DLG2: variants seen among roughly 807,000 people sequenced by gnomAD.
DLG2 encodes the protein disks large homolog 2.
Under a neutral mutation model 132.5 loss-of-function variants are expected in DLG2, and 45 were observed. The ratio of observed to expected loss-of-function variants is 0.34; its 90% CI spans 0.27 to 0.44. The LOEUF is 0.44. Ranked by LOEUF, DLG2 falls within the 20% of genes least tolerant of loss-of-function variation. The pLI is 1.00. For synonymous variants in DLG2, 424 were observed against 419.6 expected, an observed-to-expected ratio of 1.01 and a Z score of -0.13; for missense variants, 1,045 against 1,196.9, an observed-to-expected ratio of 0.87 and a Z score of 1.87.
At chr11:85,087,844 C>CAAAAAAAAAAAAAAAAAA (rs71465019) in intron 6 of DLG2, among the ~76,000 whole-genome samples, 13 of 22,046 alleles carry the variant, frequency 5.9e-4, no homozygotes, top group Non-Finnish European at 1.2e-3. Context: ...GACTCCGTCT[C>CAAAAAAAAAAAAAAAAAA]AAAAAAAAAA....
chr11:85,614,022 G>A (rs557591786), intron 2 of DLG2, among the ~76,000 whole-genome samples: 4 of 152,130 alleles, frequency 2.6e-5, no homozygotes, highest in Admixed American at 6.5e-5. Flanking sequence ...TGAAGTCAGC[G>A]AGACCATGAA....
intron 7 of DLG2, among the ~76,000 whole-genome samples, chr11:84,521,524 A>G (rs909435796): frequency 7.2e-5 from 11 of 152,184 alleles, no homozygotes; most frequent in African/African-American, 2.7e-4. Context: ...CTGAGATGTA[A>G]GTCTAGTGAT....
intron 6 of DLG2, among the ~76,000 whole-genome samples, chr11:84,573,056 A>T (rs1300369656): frequency 1.3e-5 from 2 of 152,184 alleles, no homozygotes; most frequent in Non-Finnish European, 2.9e-5. Context: ...AATCTACTTG[A>T]CATATATTTG....
At chr11:85,446,671 GA>G (rs1466796478) in intron 3 of DLG2, among the ~76,000 whole-genome samples, 1 of 152,038 alleles carries the variant, frequency 6.6e-6, no homozygotes, top group Non-Finnish European at 1.5e-5. Flanking sequence ...TATGTAGCGT[GA>G]ATCATACAAC....
intron 6 of DLG2, among the ~76,000 whole-genome samples, chr11:84,901,236 C>A (rs1030575499): frequency 2.0e-5 from 3 of 151,994 alleles, no homozygotes; most frequent in Non-Finnish European, 2.9e-5. Flanking sequence ...TCAGTGGGAG[C>A]AACTAGAGTA....
intron 3 of DLG2, among the ~76,000 whole-genome samples, chr11:85,356,374 T>A (rs1238995390): frequency 1.3e-5 from 2 of 152,156 alleles, no homozygotes; most frequent in Admixed American, 1.3e-4. Context: ...GTCCTTTTTT[T>A]TTTACATAAT....
At chr11:84,958,883 C>T (rs1416260960) in intron 6 of DLG2, among the ~76,000 whole-genome samples, 1 of 152,172 alleles carries the variant, frequency 6.6e-6, no homozygotes, top group Non-Finnish European at 1.5e-5. Flanking sequence ...ACCACAGACC[C>T]AAGCTTCAAG....
intron 7 of DLG2, among the ~76,000 whole-genome samples, chr11:84,421,590 T>C (rs1378731731): frequency 1.3e-5 from 2 of 152,340 alleles, no homozygotes; most frequent in East Asian, 3.9e-4. Context: ...TAAGTTTTTC[T>C]AAAATCTGAA....
At position 85,217,395 on chromosome 11, in the gene DLG2, T is replaced by C. The variant is rs369714724; in HGVS notation, c.187-62744A>G. Among the ~76,000 whole-genome samples, 40 of 151,204 alleles carry C rather than the reference T, an allele frequency of 2.6e-4. 1 individual carries two copies. In the East Asian group the frequency reaches 5.5e-3, roughly 21 times the overall value. On this transcript the variant is annotated intron_variant, in intron 4 of 27. Transcript: ENST00000376104. The stretch of plus-strand genomic sequence containing the variant: ...TCAATTATACACAATTGCTAAAACA[T>C]GAAATTCTGAATTGCAAGTCTTTGC...
At chr11:85,511,584 T>C (rs113811334) in intron 3 of DLG2, among the ~76,000 whole-genome samples, 1 of 152,052 alleles carries the variant, frequency 6.6e-6, no homozygotes, top group East Asian at 1.9e-4. Context: ...CTAAATGATA[T>C]CTTTCAAGAA....
At chr11:84,671,575 T>C (rs2099705962) in intron 6 of DLG2, among the ~76,000 whole-genome samples, 1 of 152,184 alleles carries the variant, frequency 6.6e-6, no homozygotes, top group African/African-American at 2.4e-5. Context: ...CCTGTTCCTG[T>C]TAAACAGAAT....
rs541678853 is a variant in DLG2 at position 84,869,521 on chromosome 11, T to G, written c.357+242140A>C. ...AACAAAAAGCTTCTTCCTCTTCAAT[T>G]TGAACTAACTCAGCTATGGAATCTA... On this transcript the variant is annotated intron_variant, in intron 6 of 27. Coordinates refer to ENST00000376104, the MANE Select transcript of DLG2 (RefSeq NM_001142699.3). 3.9e-5 allele frequency among the ~76,000 whole-genome samples: 6 copies of G among 152,322 alleles called. No homozygotes were observed. The South Asian group carries it at 1.2e-3, about 32-fold the overall frequency.
At chr11:85,476,228 A>T (rs1477562660) in intron 3 of DLG2, among the ~76,000 whole-genome samples, 1 of 152,076 alleles carries the variant, frequency 6.6e-6, no homozygotes, top group Admixed American at 6.5e-5. Context: ...GAAAAGGAAA[A>T]GGTACAGTAA....
chr11:85,216,423 T>C (rs1399104935), intron 4 of DLG2, among the ~76,000 whole-genome samples: 1 of 152,238 alleles, frequency 6.6e-6, no homozygotes, highest in Non-Finnish European at 1.5e-5. Flanking sequence ...ATTTATCTTT[T>C]GTGTTTGTTG....
intron 7 of DLG2, among the ~76,000 whole-genome samples, chr11:84,516,758 TA>T (rs919469756): frequency 1.3e-5 from 2 of 149,746 alleles, no homozygotes; most frequent in African/African-American, 4.9e-5. Context: ...ACATGATATA[TA>T]AAAAAAAGAA....
At chr11:83,509,607 A>G (rs959459650) in intron 21 of DLG2, among the ~76,000 whole-genome samples, 8 of 152,146 alleles carry the variant, frequency 5.3e-5, no homozygotes, top group Non-Finnish European at 8.8e-5. Flanking sequence ...TCTTTTGTCT[A>G]AGTCAAATTA....
chr11:84,170,698 G>C (rs2095800394), intron 8 of DLG2, among the ~76,000 whole-genome samples: 1 of 152,162 alleles, frequency 6.6e-6, no homozygotes, highest in African/African-American at 2.4e-5. Flanking sequence ...AGACAGCACT[G>C]ACCTTAAGAG....
chr11:84,320,559 T>C (rs1312087898), intron 7 of DLG2, among the ~76,000 whole-genome samples: 2 of 152,184 alleles, frequency 1.3e-5, no homozygotes, highest in Admixed American at 1.3e-4. Context: ...TTCTTTTACA[T>C]CTAATAACCT....
At chr11:84,155,740 G>A (rs1438739740) in intron 9 of DLG2, among the ~76,000 whole-genome samples, 1 of 151,964 alleles carries the variant, frequency 6.6e-6, no homozygotes, top group African/African-American at 2.4e-5. Flanking sequence ...ATGTATTTCT[G>A]TAACTGCAAG....
Sources: gnomAD v4.1 joint callset for allele counts (sites outside exome capture counted in the v4.1 genomes callset) on GRCh38, gnomAD v4.1.1 for gene constraint, MANE v1.5 for transcripts, NCBI Gene and HGNC (gene_info 2026-07-23, HGNC 2026-07-21) for gene names.